SERPINA1: variants seen among roughly 807,000 people sequenced by gnomAD.
SERPINA1 encodes alpha-1-antitrypsin.
Under a neutral mutation model 25.4 loss-of-function variants are expected in SERPINA1, and 21 were observed. The ratio of observed to expected loss-of-function variants is 0.83; its 90% CI spans 0.59 to 1.19. The LOEUF (loss-of-function observed/expected upper bound fraction) is 1.19. SERPINA1 is among the 50% of genes most tolerant of loss of function. SERPINA1 has a pLI of 0.00. For synonymous variants in SERPINA1, 218 were observed against 211.1 expected, an observed-to-expected ratio of 1.03 and a Z score of -0.29; for missense variants, 546 against 509.0, an observed-to-expected ratio of 1.07 and a Z score of -0.70.
At chr14:94,381,995 G>A (rs1367607817) in intron 2 of SERPINA1, among the ~76,000 whole-genome samples, 1 of 152,218 alleles carries the variant, frequency 6.6e-6, no homozygotes, top group African/African-American at 2.4e-5. Flanking sequence ...GGGGCAGGAA[G>A]GCAGCCTGAG....
At chr14:94,378,942 G>A (rs1351233846) in intron 4 of SERPINA1, among the ~76,000 whole-genome samples, 1 of 152,226 alleles carries the variant, frequency 6.6e-6, no homozygotes, top group East Asian at 1.9e-4. Context: ...CTAGTACACG[G>A]CTTGAAGCTC....
At chr14:94,381,399 A>T (rs1595609319) in intron 2 of SERPINA1, among the ~76,000 whole-genome samples, 1 of 152,296 alleles carries the variant, frequency 6.6e-6, no homozygotes, top group Admixed American at 6.5e-5. Context: ...AGGCTAAGAG[A>T]TGCCATCGTG....
chr14:94,380,543 T>A, intron 3 of SERPINA1: 1 of 395,862 alleles, frequency 2.5e-6, no homozygotes. Context: ...TCCTTTTTGG[T>A]TCTGCCAGAA....
At chr14:94,379,725 T>C in intron 3 of SERPINA1, 114 bp from the exon 4 acceptor site, 4 of 1,412,908 alleles carry the variant, frequency 2.8e-6, no homozygotes, top group Non-Finnish European at 3.9e-6. Flanking sequence ...TACTCCTGTG[T>C]CCTCCACCCA....
intron 1 of SERPINA1, among the ~76,000 whole-genome samples, chr14:94,385,421 C>T (rs768192073): frequency 3.4e-4 from 52 of 152,222 alleles, no homozygotes; most frequent in Non-Finnish European, 6.0e-4. Context: ...CTCCACCTCC[C>T]GGGTTCAAGA....
rs61761869 is a variant in SERPINA1, at chr14:94,378,529, G to T, written c.1177C>A (p.Pro393Thr). The T allele has an allele frequency of 6.2e-7, 1 of 1,614,128 alleles. No homozygotes were observed. Among genetic ancestry groups the T allele is most frequent in the Non-Finnish European group, 8.5e-7 (1 of 1,180,022 alleles). The change falls in exon 5 of 5, where the codon CCC (proline) becomes ACC (threonine). Residue 393 changes from proline to threonine, a missense_variant. Transcript: ENST00000393087. ...TGTTCAATCATTAAGAAGACAAAGG[G>T]TTTGTTGAACTTGACCTCGGGGGGG... is the stretch of plus-strand genomic sequence containing the variant. ...SIPPEVKFNK[P>T]FVFLMIEQNT...
intron 3 of SERPINA1, 123 bp from the exon 4 acceptor site, chr14:94,379,734 C>G: frequency 1.5e-6 from 2 of 1,341,896 alleles, no homozygotes; most frequent in South Asian, 2.4e-5. Flanking sequence ...GTCCTCCACC[C>G]ACACTAAGAT....
rs1897090169 is a variant in SERPINA1 at position 94,383,261 on chromosome 14, G to A, written c.-4-20C>T. The A allele has an allele frequency of 6.2e-7, 1 of 1,604,754 alleles. No homozygotes were observed. Among genetic ancestry groups the A allele is most frequent in the East Asian group, 2.2e-5 (1 of 44,708 alleles). ...ATTGTCCTGCAAGACAGAGATGGGG[G>A]GGCCAGGCCCCGAGTCAAGGCACAT... is the stretch of plus-strand genomic sequence containing the variant. On this transcript the variant is annotated intron_variant, in intron 1 of 4. Coordinates refer to ENST00000393087, the MANE Select transcript of SERPINA1 (RefSeq NM_000295.5).
Position 94,379,610 on chromosome 14 carries a change from A to T in SERPINA1, c.919T>A (p.Ser307Thr). 1 of 1,614,170 alleles carries T rather than the reference A, an allele frequency of 6.2e-7. No homozygotes were observed. Among genetic ancestry groups the T allele is most frequent in the Non-Finnish European group, 8.5e-7 (1 of 1,180,032 alleles). ...AGTTTGGGTAAATGTAAGCTGGCAG[A>T]CCTGTCGTGCAGAAAAGAAATTCAA... ...TKFLENEDRR[S>T]ASLHLPKLSI... The change falls in exon 4 of 5, where the codon TCT becomes ACT. Residue 307 changes from serine to threonine, a missense_variant and splice_region_variant. Coordinates refer to ENST00000393087, the MANE Select transcript of SERPINA1 (RefSeq NM_000295.5).
intron 3 of SERPINA1, among the ~76,000 whole-genome samples, chr14:94,380,091 C>T (rs770783039): frequency 3.3e-5 from 5 of 152,272 alleles, no homozygotes; most frequent in Non-Finnish European, 7.3e-5. Context: ...CAGCTTGGCT[C>T]TGGGCTCTCT....
chr14:94,379,550 G>A lies in SERPINA1; in HGVS notation c.979C>T (p.Leu327=). ...ITGTYDLKSV[L]GQLGITKVFS... ...ACCTTAGTGATGCCCAGTTGACCCA[G>A]GACGCTCTTCAGATCATAGGTTCCA... Residue 327 remains leucine, a synonymous_variant, in exon 4 of 5, where the codon CTG becomes TTG. Transcript: ENST00000393087. 6.2e-7 allele frequency: 1 copy of A among 1,614,024 alleles called. No homozygotes were observed. The highest frequency in any genetic ancestry group is 8.5e-7 in the Non-Finnish European group (1 of 1,179,994).
chr14:94,377,755 T>C lies in SERPINA1; in HGVS notation c.*694A>G, dbSNP rs886050920. The C allele has an allele frequency of 6.6e-6, 1 of 152,346 alleles. No individual in the cohort carries two copies. The highest frequency in any genetic ancestry group is 1.5e-5 in the Non-Finnish European group (1 of 68,206). The allele number at this position is 152,346 out of a possible 1,614,324, so 9.4% of individuals were successfully genotyped here. On this transcript the variant is annotated 3_prime_UTR_variant, in exon 5 of 5. Transcript: ENST00000393087. ...TATGTGAGGCTTTCTGGGGCAGCGA[T>C]GGAAGGACAAGGACAGAATAGGTGT...
chr14:94,378,581 C>T lies in SERPINA1; in HGVS notation c.1125G>A (p.Met375Ile). The change falls in exon 5 of 5, where the codon ATG becomes ATA. Residue 375 changes from methionine to isoleucine, a missense_variant. Transcript: ENST00000393087. Reference protein sequence around the residue: ...DEKGTEAAGAMFLEAIPMSIP... With the variant: ...DEKGTEAAGAIFLEAIPMSIP... Reference sequence around the variant, plus strand: ...TAGACATGGGTATGGCCTCTAAAAACATGGCCCCAGCAGCTTCAGTCCCTT... The same window carrying T: ...TAGACATGGGTATGGCCTCTAAAAATATGGCCCCAGCAGCTTCAGTCCCTT... 6.2e-7 allele frequency: 1 copy of T among 1,614,050 alleles called. No homozygotes were observed. Among genetic ancestry groups the T allele is most frequent in the Non-Finnish European group, 8.5e-7 (1 of 1,179,988 alleles).
At chr14:94,384,887 A>G (rs1340129080) in intron 1 of SERPINA1, among the ~76,000 whole-genome samples, 1 of 152,170 alleles carries the variant, frequency 6.6e-6, no homozygotes, top group East Asian at 1.9e-4. Context: ...TCTCTCCACC[A>G]CCTTTCTCCT....
In SERPINA1 at chr14:94,380,948, A is replaced by T. The variant is rs1049800; in HGVS notation, c.840T>A (p.Asp280Glu). ...TTTCCAGGTGCTGTAGTTTCCCCTC[A>T]TCAGGCAGGAAGAAGATGGCGGTGG... is the stretch of plus-strand genomic sequence containing the variant. ...GNATAIFFLP[D>E]EGKLQHLENE... Residue 280 changes from aspartate to glutamate, a missense_variant, in exon 3 of 5, where the codon GAT becomes GAA. Asp to Glu is a conservative substitution (Grantham distance 45). Coordinates refer to ENST00000393087, the MANE Select transcript of SERPINA1 (RefSeq NM_000295.5). The T allele has an allele frequency of 6.2e-7, 1 of 1,614,006 alleles. No homozygotes were observed. Among genetic ancestry groups the T allele is most frequent in the Non-Finnish European group, 8.5e-7 (1 of 1,180,032 alleles).
rs898273701 is a variant in SERPINA1 at position 94,378,373 on chromosome 14, C to G, written c.*76G>C. 6 of 1,273,544 alleles carry G rather than the reference C, an allele frequency of 4.7e-6. No homozygotes were observed. The highest frequency in any genetic ancestry group is 6.9e-6 in the Non-Finnish European group (6 of 872,300). The allele number at this position is 1,273,544 out of a possible 1,614,324, so 78.9% of individuals were successfully genotyped here. On this transcript the variant is annotated 3_prime_UTR_variant, in exon 5 of 5. Transcript: ENST00000393087. ...ATTTACAGTCACATGCAGGCAGGGA[C>G]CAGCTCAACCCTTCTTTAATGTCAT...
chr14:94,388,945 TG>T (rs1050878290), upstream of SERPINA1: 1 of 152,280 alleles, frequency 6.6e-6, no homozygotes, highest in African/African-American at 2.4e-5. Flanking sequence ...GCTGTTCCAC[TG>T]GTAGCAAGAT....
rs1246554938 is a variant in SERPINA1, at chr14:94,377,957, C to A, written c.*492G>T. 5.7e-6 allele frequency: 1 copy of A among 175,724 alleles called. No individual in the cohort carries two copies. The highest frequency in any genetic ancestry group is 5.4e-5 in the Admixed American group (1 of 18,378). The allele number at this position is 175,724 out of a possible 1,614,324, so 10.9% of individuals were successfully genotyped here. A position where few individuals can be genotyped will look rare whatever the true frequency, so the allele number is the denominator to read the frequency against. Reference sequence around the variant, plus strand: ...AAAACTGGGCCACGGCACGATCAGGCAGTTCTGGGGCCCCCAGGAGGGCAG... The same window carrying A: ...AAAACTGGGCCACGGCACGATCAGGAAGTTCTGGGGCCCCCAGGAGGGCAG... On this transcript the variant is annotated 3_prime_UTR_variant, in exon 5 of 5. Transcript: ENST00000393087.
rs756577084 is a variant in SERPINA1, at chr14:94,382,611, C to T, written c.627G>A (p.Val209=). ...ELDRDTVFAL[V]NYIFFKGKWE... ...CCTTACCTTTAAAGAAGATGTAATT[C>T]ACCAGAGCAAAAACTGTGTCTCTGT... Residue 209 remains valine, a synonymous_variant, in exon 2 of 5, where the codon GTG becomes GTA. Coordinates refer to ENST00000393087, the MANE Select transcript of SERPINA1 (RefSeq NM_000295.5). 7 of 1,614,226 alleles carry T rather than the reference C, an allele frequency of 4.3e-6. No individual in the cohort carries two copies. In the South Asian group the frequency reaches 5.5e-5, roughly 13 times the overall value.
Sources: allele counts gnomAD v4.1 joint callset (sites outside exome capture counted in the v4.1 genomes callset), GRCh38; gene constraint gnomAD v4.1.1; transcripts MANE v1.5; gene names NCBI Gene and HGNC (gene_info 2026-07-23, HGNC 2026-07-21).